The following NCOA2 variants were observed in gnomAD, a reference collection of about 807,000 sequenced individuals.
The protein encoded by NCOA2 is nuclear receptor coactivator 2, also known as class E basic helix-loop-helix protein 75.
NCOA2 carries 21 observed loss-of-function variants against 145.1 expected under a neutral mutation model. That is an observed-to-expected ratio of 0.14 (90% CI 0.10 to 0.21). The LOEUF is 0.21. Ranked by LOEUF, NCOA2 falls within the 10% of genes least tolerant of loss-of-function variation. The pLI is 1.00. For missense variants in NCOA2, 1,472 were observed against 1,837.6 expected, an observed-to-expected ratio of 0.80 and a Z score of 3.64; for synonymous variants, 619 against 637.5, an observed-to-expected ratio of 0.97 and a Z score of 0.44.
chr8:70,294,936 T>TG (rs1439097594), intron 2 of NCOA2, among the ~76,000 whole-genome samples: 2 of 152,212 alleles, frequency 1.3e-5, no homozygotes, highest in East Asian at 3.8e-4. Context: ...AAAATAGATG[T>TG]GAATCAGAAA....
intron 1 of NCOA2, among the ~76,000 whole-genome samples, chr8:70,397,801 T>C (rs867214574): frequency 1.3e-5 from 2 of 152,228 alleles, no homozygotes; most frequent in African/African-American, 4.8e-5. Context: ...TAAGGGGACA[T>C]TTTACAATAT....
chr8:70,451,237 AAT>A, the NCOA2 span, among the ~76,000 whole-genome samples: 95 of 69,510 alleles, frequency 1.4e-3, no homozygotes, highest in Admixed American at 1.9e-3. Context: ...AAAAAAAAAA[AAT>A]ATATATATAT....
Position 70,363,590 on chromosome 8 carries a change from G to C in NCOA2, c.-77+40110C>G, listed in dbSNP as rs549869297. Among the ~76,000 whole-genome samples the C allele has an allele frequency of 3.7e-4, 56 of 152,158 alleles. 1 individual carries two copies. The South Asian group carries it at 6.2e-3, about 17-fold the overall frequency. The stretch of plus-strand genomic sequence containing the variant: ...TAAAACTCTGATACAACCATACTAT[G>C]AAATACTATCAGCAATAAAAAGGAA... On this transcript the variant is annotated intron_variant, in intron 1 of 22. Transcript: ENST00000452400.
chr8:70,262,653 G>T (rs1019010613), intron 2 of NCOA2, among the ~76,000 whole-genome samples: 2 of 152,168 alleles, frequency 1.3e-5, no homozygotes, highest in Non-Finnish European at 2.9e-5. Context: ...GGACAATGGG[G>T]CCAGTGGACA....
chr8:70,281,878 A>G (rs1158273733), intron 2 of NCOA2, among the ~76,000 whole-genome samples: 1 of 152,224 alleles, frequency 6.6e-6, no homozygotes, highest in East Asian at 1.9e-4. Context: ...CACTATCACC[A>G]CCAAATGTGG....
the NCOA2 span, among the ~76,000 whole-genome samples, chr8:70,443,650 T>C: frequency 6.6e-6 from 1 of 152,080 alleles, no homozygotes; most frequent in Non-Finnish European, 1.5e-5. Flanking sequence ...ACTGCAGCCT[T>C]GAACTTCTGG....
chr8:70,204,084 C>T (rs1209130324), intron 4 of NCOA2, among the ~76,000 whole-genome samples: 5 of 151,864 alleles, frequency 3.3e-5, no homozygotes, highest in East Asian at 1.9e-4. Flanking sequence ...CTTGGCTCAC[C>T]GCAACCTCTG....
At chr8:70,170,889 T>C (rs2132647352) in intron 5 of NCOA2, among the ~76,000 whole-genome samples, 1 of 152,288 alleles carries the variant, frequency 6.6e-6, no homozygotes, top group African/African-American at 2.4e-5. Flanking sequence ...ACGGATTATA[T>C]GAAAAACATC....
chr8:70,314,836 G>GC (rs1554623698), intron 1 of NCOA2, among the ~76,000 whole-genome samples: 1 of 152,162 alleles, frequency 6.6e-6, no homozygotes, highest in Non-Finnish European at 1.5e-5. Context: ...CAAGAGAAAC[G>GC]CAAGTGTGCT....
intron 4 of NCOA2, among the ~76,000 whole-genome samples, chr8:70,201,288 A>C (rs1166494802): frequency 6.6e-6 from 1 of 152,088 alleles, no homozygotes; most frequent in Admixed American, 6.6e-5. Context: ...TTCACAGAAA[A>C]TCTCTTAACA....
At chr8:70,307,229 A>AAAAAAAAAAAAAT (rs1827966917) in intron 1 of NCOA2, among the ~76,000 whole-genome samples, 1 of 151,230 alleles carries the variant, frequency 6.6e-6, no homozygotes, top group Non-Finnish European at 1.5e-5. Context: ...GCAAAAAAAA[A>AAAAAAAAAAAAAT]AAAAAAAAAA....
the NCOA2 span, among the ~76,000 whole-genome samples, chr8:70,452,815 A>G: frequency 2.0e-5 from 3 of 152,216 alleles, no homozygotes; most frequent in East Asian, 5.8e-4. Context: ...ACAATTAATT[A>G]TATGATCACT....
chr8:70,329,495 C>T lies in NCOA2; in HGVS notation c.-76-32695G>A, dbSNP rs79957257. On this transcript the variant is annotated intron_variant, in intron 1 of 22. Transcript: ENST00000452400. ...GCCTCAAGTCATCCTCCCAACTGGA[C>T]CTCCCAAAATGCTAGCATTACAGGT... Among the ~76,000 whole-genome samples, 1,020 of 152,170 alleles carry T rather than the reference C, an allele frequency of 6.7e-3. 11 individuals carry two copies. Among genetic ancestry groups the T allele is most frequent in the Middle Eastern group, 0.024 (7 of 294 alleles).
intron 1 of NCOA2, among the ~76,000 whole-genome samples, chr8:70,400,181 C>G (rs185230996): frequency 6.6e-6 from 1 of 152,226 alleles, no homozygotes; most frequent in African/African-American, 2.4e-5. Context: ...AACATATTAA[C>G]TACTCAAAAC....
Position 70,363,122 on chromosome 8 carries a change from A to G in NCOA2, c.-77+40578T>C, listed in dbSNP as rs56149059. ...AAAAAGGCCTGGCACGGTGGCTCACACCTGTAATCCCAGCACTTTGGGACG... is the reference window on the plus strand; with the variant it reads ...AAAAAGGCCTGGCACGGTGGCTCACGCCTGTAATCCCAGCACTTTGGGACG... On this transcript the variant is annotated intron_variant, in intron 1 of 22. Coordinates refer to ENST00000452400, the MANE Select transcript of NCOA2 (RefSeq NM_006540.4). Among the ~76,000 whole-genome samples the G allele has an allele frequency of 6.6e-3, 993 of 149,816 alleles. 13 individuals carry two copies. The highest frequency in any genetic ancestry group is 0.024 in the Middle Eastern group (7 of 290).
chr8:70,126,277 A>T (rs1808401703), intron 19 of NCOA2, among the ~76,000 whole-genome samples: 1 of 152,202 alleles, frequency 6.6e-6, no homozygotes, highest in Non-Finnish European at 1.5e-5. Flanking sequence ...CAATATGAAG[A>T]GGACTAAAAG....
At chr8:70,231,983 A>C (rs1273773380) in intron 2 of NCOA2, among the ~76,000 whole-genome samples, 1 of 152,188 alleles carries the variant, frequency 6.6e-6, no homozygotes, top group Non-Finnish European at 1.5e-5. Flanking sequence ...TGGATGAACT[A>C]ATGAGTATCC....
At chr8:70,372,512 A>C (rs576684315) in intron 1 of NCOA2, among the ~76,000 whole-genome samples, 1 of 152,200 alleles carries the variant, frequency 6.6e-6, no homozygotes, top group Non-Finnish European at 1.5e-5. Context: ...TGCTCATTTT[A>C]AATTATTTTA....
At chr8:70,241,636 C>G (rs1272883505) in intron 2 of NCOA2, among the ~76,000 whole-genome samples, 2 of 152,136 alleles carry the variant, frequency 1.3e-5, no homozygotes, top group Admixed American at 6.6e-5. Flanking sequence ...ATCATCTGAA[C>G]TCAATATACA....
Sources: allele counts gnomAD v4.1 joint callset (sites outside exome capture counted in the v4.1 genomes callset), GRCh38; gene constraint gnomAD v4.1.1; transcripts MANE v1.5; gene names NCBI Gene and HGNC (gene_info 2026-07-23, HGNC 2026-07-21).